Variants in PHF8 observed in about 807,000 individuals in gnomAD.
PHF8 encodes the protein PHD finger protein 8, also known as histone lysine demethylase PHF8.
Under a neutral mutation model 74.4 loss-of-function variants are expected in PHF8, and 9 were observed. The ratio of observed to expected loss-of-function variants is 0.12; its 90% CI spans 0.07 to 0.21. PHF8 has a LOEUF of 0.21. Among genes scored for constraint, PHF8 ranks in the 10% least tolerant of loss-of-function variants. The pLI is 1.00. For missense variants in PHF8, 478 were observed against 816.6 expected (o/e 0.59, Z 5.05); for synonymous variants, 311 against 316.6 (o/e 0.98, Z 0.19).
intron 8 of PHF8, among the ~76,000 whole-genome samples, chrX:54,006,791 A>T (rs1557105446): frequency 9.1e-6 from 1 of 109,878 alleles, no homozygotes; most frequent in East Asian, 2.9e-4. Flanking sequence ...CGAAAAAATT[A>T]GCCGGGCATG....
At chrX:54,018,386 G>A (rs1453887500) in intron 4 of PHF8, among the ~76,000 whole-genome samples, 9 of 109,113 alleles carry the variant, frequency 8.2e-5, no homozygotes, top group Admixed American at 2.0e-4. Flanking sequence ...GAACCCAGGA[G>A]TTGAGGTTAC....
At chrX:53,992,184 T>G (rs2065676952) in intron 14 of PHF8, among the ~76,000 whole-genome samples, 1 of 112,309 alleles carries the variant, frequency 8.9e-6, no homozygotes, top group Non-Finnish European at 1.9e-5. Context: ...TGAACATCTT[T>G]CTGTGTCAAT....
chrX:53,979,098 A>C (rs1174176297), intron 18 of PHF8, among the ~76,000 whole-genome samples: 4 of 111,667 alleles, frequency 3.6e-5, no homozygotes, highest in African/African-American at 1.3e-4. Context: ...ATAAAATTTC[A>C]GGCCAGGCAC....
At chrX:54,030,282 A>G (rs782375310) in intron 2 of PHF8, among the ~76,000 whole-genome samples, 1 of 111,697 alleles carries the variant, frequency 9.0e-6, no homozygotes, top group South Asian at 3.8e-4. Context: ...AGGGAGGCAG[A>G]CAAATGAAAA....
At chrX:54,044,990 G>C, upstream of PHF8, 1 of 781,622 alleles carries the variant, frequency 1.3e-6, no homozygotes, top group East Asian at 3.5e-5. Flanking sequence ...ATGAAGGCAG[G>C]GGCTTCGAGA....
At position 53,982,627 on chromosome X, in the gene PHF8, A is replaced by G. The variant is rs192053637; in HGVS notation, c.2443+2287T>C. On this transcript the variant is annotated intron_variant, in intron 18 of 21. Transcript: ENST00000338154. ...GCTATTAAGGTACAGAACTTGGACT[A>G]AAGTGGAAAACAAATCCCCATATAT... Among the ~76,000 whole-genome samples the G allele has an allele frequency of 2.6e-3, 287 of 112,330 alleles. 2 individuals are homozygous for G. Among genetic ancestry groups the G allele is most frequent in the Middle Eastern group, 4.7e-3 (1 of 213 alleles).
intron 18 of PHF8, among the ~76,000 whole-genome samples, chrX:53,970,743 CAAAG>C (rs2065279271): frequency 9.0e-6 from 1 of 111,206 alleles, no homozygotes; most frequent in African/African-American, 3.3e-5. Flanking sequence ...TCAAAAATGA[CAAAG>C]AAGGGCATTA....
intron 2 of PHF8, among the ~76,000 whole-genome samples, chrX:54,023,691 A>AC (rs782495806): frequency 9.3e-6 from 1 of 107,501 alleles, no homozygotes; most frequent in East Asian, 2.9e-4. Flanking sequence ...ACAAATTGAG[A>AC]CCCCCATCTC....
At chrX:54,043,609 G>A (rs1462001522) in intron 1 of PHF8, among the ~76,000 whole-genome samples, 153 bp downstream of exon 1, 1 of 111,143 alleles carries the variant, frequency 9.0e-6, no homozygotes, top group Admixed American at 9.6e-5. Context: ...CCGAAACTAA[G>A]CAAGGATTCT....
At chrX:53,967,323 T>G (rs1268314602) in intron 18 of PHF8, among the ~76,000 whole-genome samples, 1 of 71,157 alleles carries the variant, frequency 1.4e-5, no homozygotes, top group Admixed American at 1.7e-4. Flanking sequence ...GGTGGGGGGG[T>G]CAGCCCCCCG....
intron 19 of PHF8, among the ~76,000 whole-genome samples, chrX:53,956,760 C>T (rs782187394): frequency 4.6e-5 from 5 of 108,966 alleles, no homozygotes; most frequent in East Asian, 2.9e-4. Flanking sequence ...AACTCGAAAA[C>T]CTTGAAGAAC....
Position 54,022,819 on chromosome X carries a change from C to T in PHF8, c.123G>A (p.Lys41=). Residue 41 remains lysine, a synonymous_variant, in exon 3 of 22, where the codon AAG becomes AAA. Coordinates refer to ENST00000338154, the MANE Select transcript of PHF8 (RefSeq NM_015107.3). ...HGSCVGVEEE[K]AADIDLYHCP... is the part of the protein sequence containing the mutation. ...AGTGGTAGAGGTCAATGTCAGCAGC[C>T]TTCTCCTCTTCAACACCAACACAAC... The T allele has an allele frequency of 1.7e-6, 2 of 1,198,213 alleles. No homozygotes were observed. The highest frequency in any genetic ancestry group is 1.1e-6 in the Non-Finnish European group (1 of 883,433).
intron 18 of PHF8, among the ~76,000 whole-genome samples, chrX:53,965,526 C>T (rs1557092244): frequency 1.8e-5 from 2 of 112,356 alleles, no homozygotes; most frequent in Non-Finnish European, 3.8e-5. Flanking sequence ...GTAATCCTAG[C>T]TACTCGGGAG....
chrX:53,997,915 G>A (rs2065772373), intron 11 of PHF8, among the ~76,000 whole-genome samples: 1 of 111,613 alleles, frequency 9.0e-6, no homozygotes, highest in Non-Finnish European at 1.9e-5. Context: ...ATATCCGAGG[G>A]GAAGGTTGGC....
Position 54,035,589 on chromosome X carries a change from C to G in PHF8, c.98+7042G>C, listed in dbSNP as rs1234773377. ...CTGAAGCCAGAAGTCCAAGACCATC[C>G]CAGGCAACAAAGGGAGGTACCACCA... On this transcript the variant is annotated intron_variant, in intron 2 of 21. Transcript: ENST00000338154. 3.7e-5 allele frequency among the ~76,000 whole-genome samples: 4 copies of G among 109,015 alleles called. No homozygotes were observed. The East Asian group carries it at 1.1e-3, about 31-fold the overall frequency. The allele number at this position is 109,015 out of a possible 115,157, so 94.7% of individuals were successfully genotyped here.
upstream of PHF8, chrX:54,044,783 A>G (rs901862449): frequency 6.2e-5 from 44 of 712,861 alleles, no homozygotes; most frequent in Non-Finnish European, 7.5e-5. Flanking sequence ...TTCTCCTCCT[A>G]TGAGAGGAGG....
chrX:54,038,113 G>A (rs1557114892), intron 2 of PHF8, among the ~76,000 whole-genome samples: 1 of 111,703 alleles, frequency 9.0e-6, no homozygotes, highest in Non-Finnish European at 1.9e-5. Context: ...CTCCACTATT[G>A]TACAGCAATG....
intron 6 of PHF8, 40 bp downstream of exon 6, chrX:54,016,555 G>A: frequency 1.7e-6 from 2 of 1,143,998 alleles, no homozygotes; most frequent in African/African-American, 1.8e-5. Flanking sequence ...CAAGTTTCAG[G>A]CACTTTGTCA....
chrX:53,954,499 C>CAAAAAAAAAAAAAAAAAAAAAAAAA (rs1180184175), intron 19 of PHF8, among the ~76,000 whole-genome samples: 1 of 13,138 alleles, frequency 7.6e-5, no homozygotes, highest in African/African-American at 2.4e-4. Flanking sequence ...GACTCTGTCT[C>CAAAAAAAAAAAAAAAAAAAAAAAAA]AAAAAAAAAA....
Sources: allele counts gnomAD v4.1 joint callset (sites outside exome capture counted in the v4.1 genomes callset), GRCh38; gene constraint gnomAD v4.1.1; transcripts MANE v1.5; gene names NCBI Gene and HGNC (gene_info 2026-07-23, HGNC 2026-07-21).